Variants in SNRNP40 observed in about 807,000 individuals in gnomAD.
The protein encoded by SNRNP40 is small nuclear ribonucleoprotein U5 subunit 40, also known as U5 small nuclear ribonucleoprotein 40 kDa protein.
A neutral mutation model predicts 45.8 loss-of-function variants in SNRNP40; 21 were observed. The ratio of observed to expected loss-of-function variants is 0.46; its 90% CI spans 0.32 to 0.66. The LOEUF is 0.66. SNRNP40 is among the 30% of genes least tolerant of loss of function. The pLI is 0.03. For missense variants in SNRNP40, 344 were observed against 439.1 expected, an observed-to-expected ratio of 0.78 and a Z score of 1.94; for synonymous variants, 142 against 163.8, an observed-to-expected ratio of 0.87 and a Z score of 1.01.
chr1:31,285,852 T>G (rs1646053886), intron 4 of SNRNP40, among the ~76,000 whole-genome samples: 1 of 152,228 alleles, frequency 6.6e-6, no homozygotes, highest in Admixed American at 6.5e-5. Context: ...ATTTAAGTTA[T>G]ACATCTTTGG....
At chr1:31,286,175 C>G (rs1381219661) in intron 4 of SNRNP40, among the ~76,000 whole-genome samples, 1 of 151,890 alleles carries the variant, frequency 6.6e-6, no homozygotes, top group Admixed American at 6.6e-5. Flanking sequence ...TACACACACA[C>G]ACACACTCAC....
chr1:31,269,216 A>T lies in SNRNP40; in HGVS notation c.800T>A (p.Phe267Tyr). Reference sequence around the variant, plus strand: ...CTTTACACATCTCTCTTTGGGGGCAAATGGCCGGACATCCCAGACACGAAC... The same window carrying T: ...CTTTACACATCTCTCTTTGGGGGCATATGGCCGGACATCCCAGACACGAAC... ...NTVRVWDVRP[F>Y]APKERCVKIF... The change falls in exon 7 of 10, where the codon TTT (phenylalanine) becomes TAT (tyrosine). Residue 267 changes from phenylalanine to tyrosine, a missense_variant. Phe to Tyr is a conservative substitution (Grantham distance 22, BLOSUM62 3). Around this residue, in one of 2 missense-constraint regions of SNRNP40, gnomAD observed 254 missense variants for 380.2 expected, o/e 0.67. Transcript: ENST00000263694. 2 of 1,613,020 alleles carry T rather than the reference A, an allele frequency of 1.2e-6. No individual in the cohort carries two copies. Among genetic ancestry groups the T allele is most frequent in the Non-Finnish European group, 1.7e-6 (2 of 1,179,684 alleles).
At chr1:31,265,011 G>T (rs1645886518) in intron 8 of SNRNP40, among the ~76,000 whole-genome samples, 1 of 152,200 alleles carries the variant, frequency 6.6e-6, no homozygotes, top group Admixed American at 6.5e-5. Context: ...GAAGCCTTAT[G>T]TAACACAGCT....
intron 2 of SNRNP40, chr1:31,292,705 C>CA (rs1332161478): frequency 6.6e-6 from 1 of 152,586 alleles, no homozygotes; most frequent in African/African-American, 2.4e-5. Flanking sequence ...ACTTACTTCT[C>CA]AAAAATGGGT....
At chr1:31,283,935 C>T (rs1456037132) in intron 4 of SNRNP40, among the ~76,000 whole-genome samples, 1 of 152,050 alleles carries the variant, frequency 6.6e-6, no homozygotes, top group Non-Finnish European at 1.5e-5. Context: ...CTATAAAATT[C>T]TTAGAGGGCC....
At chr1:31,272,268 T>C (rs922111149) in intron 5 of SNRNP40, among the ~76,000 whole-genome samples, 5 of 152,202 alleles carry the variant, frequency 3.3e-5, no homozygotes, top group African/African-American at 1.2e-4. Flanking sequence ...TATATATATG[T>C]ACATGTATGG....
chr1:31,283,557 C>T (rs1446539166), intron 4 of SNRNP40, among the ~76,000 whole-genome samples: 8 of 152,122 alleles, frequency 5.3e-5, no homozygotes, highest in Admixed American at 2.6e-4. Context: ...GAGCCAAGAT[C>T]GCACTACTGC....
At chr1:31,282,434 T>C (rs985320915) in intron 4 of SNRNP40, 4 of 152,108 alleles carry the variant, frequency 2.6e-5, no homozygotes, top group Admixed American at 6.6e-5. Flanking sequence ...ATTTGGGGAA[T>C]AAGAGCTTCG....
intron 4 of SNRNP40, among the ~76,000 whole-genome samples, chr1:31,287,735 C>T (rs1255759123): frequency 6.6e-6 from 1 of 152,230 alleles, no homozygotes; most frequent in East Asian, 1.9e-4. Flanking sequence ...TGTGGTGGCT[C>T]ACGCCTGTAA....
chr1:31,288,443 G>A (rs886900574), intron 4 of SNRNP40, among the ~76,000 whole-genome samples: 2 of 152,134 alleles, frequency 1.3e-5, no homozygotes, highest in Non-Finnish European at 2.9e-5. Context: ...CAGAATGTGA[G>A]ACTGGCTACA....
At chr1:31,291,013 G>A (rs1646102449) in intron 3 of SNRNP40, among the ~76,000 whole-genome samples, 1 of 152,132 alleles carries the variant, frequency 6.6e-6, no homozygotes, top group Non-Finnish European at 1.5e-5. Context: ...GATTGGCCAG[G>A]CACGGTGGCT....
Position 31,269,226 on chromosome 1 carries a change from C to T in SNRNP40, c.790G>A (p.Val264Ile), listed in dbSNP as rs747312205. Residue 264 changes from valine to isoleucine, a missense_variant, in exon 7 of 10, where the codon GTC (valine) becomes ATC (isoleucine). By Grantham distance (29) the Val-to-Ile change is conservative. This residue lies in a region of SNRNP40 where 254 missense variants were observed against 380.2 expected (regional missense o/e 0.67). Transcript: ENST00000263694. ...CTCTCTTTGGGGGCAAATGGCCGGA[C>T]ATCCCAGACACGAACTGCAAAACAA... ...AMDNTVRVWD[V>I]RPFAPKERCV... The T allele has an allele frequency of 4.3e-6, 7 of 1,612,822 alleles. No individual in the cohort carries two copies. Among genetic ancestry groups the T allele is most frequent in the Non-Finnish European group, 5.1e-6 (6 of 1,179,560 alleles).
intron 4 of SNRNP40, chr1:31,282,395 C>T (rs115457685): frequency 1.3e-5 from 2 of 152,028 alleles, no homozygotes; most frequent in Non-Finnish European, 2.9e-5. Context: ...AACCAAAAAC[C>T]TTGGGAGGAA....
chr1:31,285,821 C>T (rs1321078077), intron 4 of SNRNP40, among the ~76,000 whole-genome samples: 1 of 152,122 alleles, frequency 6.6e-6, no homozygotes, highest in African/African-American at 2.4e-5. Context: ...TTAGGTTTGT[C>T]TTATGTTTCC....
intron 5 of SNRNP40, 106 bp from the exon 6 acceptor site, chr1:31,271,605 A>C: frequency 9.6e-7 from 1 of 1,043,978 alleles, no homozygotes; most frequent in South Asian, 1.6e-5. Flanking sequence ...ATATTACTCT[A>C]CTATAAAACA....
intron 3 of SNRNP40, among the ~76,000 whole-genome samples, chr1:31,290,150 C>T (rs941425936): frequency 2.6e-5 from 4 of 152,268 alleles, no homozygotes; most frequent in Admixed American, 6.5e-5. Context: ...TAAGCAACCA[C>T]GCCCAGCCTC....
At chr1:31,272,215 C>T (rs957376046) in intron 5 of SNRNP40, among the ~76,000 whole-genome samples, 8 of 151,866 alleles carry the variant, frequency 5.3e-5, no homozygotes, top group African/African-American at 1.9e-4. Context: ...AATACAGATG[C>T]TTAAAATTTT....
chr1:31,280,616 T>A (rs1333736150), intron 5 of SNRNP40, among the ~76,000 whole-genome samples: 4 of 152,032 alleles, frequency 2.6e-5, no homozygotes, highest in African/African-American at 9.7e-5. Flanking sequence ...GTCGTTAAGA[T>A]CCCCAAGGAA....
chr1:31,276,468 A>T (rs7539952), intron 5 of SNRNP40, among the ~76,000 whole-genome samples: 118,390 of 151,924 alleles, frequency 0.78, 46,508 homozygotes, highest in African/African-American at 0.82. Flanking sequence ...GGGCTTAGTT[A>T]AGGATATACT....
Sources: allele counts gnomAD v4.1 joint callset (sites outside exome capture counted in the v4.1 genomes callset), GRCh38; gene constraint gnomAD v4.1.1; regional missense constraint gnomAD v4.1.1; transcripts MANE v1.5; gene names NCBI Gene and HGNC (gene_info 2026-07-23, HGNC 2026-07-21).